The following PRPF18 variants were observed in gnomAD, a reference collection of about 807,000 sequenced individuals.
The protein encoded by PRPF18 is pre-mRNA processing factor 18.
In PRPF18, 38 loss-of-function variants were observed where a neutral mutation model predicts 46.5. That is an observed-to-expected ratio of 0.82 (90% CI 0.63 to 1.07). The LOEUF (loss-of-function observed/expected upper bound fraction) is 1.07, where lower values mean the gene tolerates loss of function less well. PRPF18 is among the 50% of genes least tolerant of loss of function. The pLI, the probability that PRPF18 is intolerant of heterozygous loss-of-function variation, is 0.00. For missense variants in PRPF18, 263 were observed against 410.0 expected (o/e 0.64, Z 3.10); for synonymous variants, 152 against 146.7 (o/e 1.04, Z -0.26).
chr10:13,619,303 TTTAG>T (rs758659867), intron 9 of PRPF18, among the ~76,000 whole-genome samples: 5 of 152,268 alleles, frequency 3.3e-5, no homozygotes, highest in African/African-American at 7.2e-5. Context: ...TGGACAGATT[TTTAG>T]TTAGTGTAAG....
At chr10:13,650,556 C>A in the PRPF18 span, among the ~76,000 whole-genome samples, 2 of 152,180 alleles carry the variant, frequency 1.3e-5, no homozygotes, top group African/African-American at 4.8e-5. Context: ...ATCGCCCTCC[C>A]ATACCGGGGG....
Position 13,599,245 on chromosome 10 carries a change from A to G in PRPF18, c.145-999A>G, listed in dbSNP as rs563936355. 4.1e-4 allele frequency among the ~76,000 whole-genome samples: 63 copies of G among 152,306 alleles called. 1 individual carries two copies. Among genetic ancestry groups the G allele is most frequent in the African/African-American group, 1.4e-3 (60 of 41,580 alleles). On this transcript the variant is annotated intron_variant, in intron 2 of 9. Coordinates refer to ENST00000378572, the MANE Select transcript of PRPF18 (RefSeq NM_003675.4). ...GCTTGGTGCTGATTTGACCTGTGAA[A>G]ATAGAAAGGCTTAGTTTGTTACCTT...
chr10:13,641,521 G>A, the PRPF18 span: 1 of 151,068 alleles, frequency 6.6e-6, no homozygotes, highest in Non-Finnish European at 1.5e-5. Flanking sequence ...GGAACTTTAA[G>A]GAATAATTGT....
In PRPF18 at chr10:13,599,841, A is replaced by G. The variant is rs1421898051; in HGVS notation, c.145-403A>G. 2.1e-4 allele frequency among the ~76,000 whole-genome samples: 32 copies of G among 152,240 alleles called. 1 individual carries two copies. Among genetic ancestry groups the G allele is most frequent in the Admixed American group, 2.1e-3 (32 of 15,280 alleles). Reference sequence around the variant, plus strand: ...AAGAAATTCTTTTATCTTCATTTTGAAGCCGAGCAAGAATCAAATAACCCT... The same window carrying G: ...AAGAAATTCTTTTATCTTCATTTTGGAGCCGAGCAAGAATCAAATAACCCT... On this transcript the variant is annotated intron_variant, in intron 2 of 9. Transcript: ENST00000378572.
At chr10:13,621,276 T>C (rs1236514964) in intron 9 of PRPF18, among the ~76,000 whole-genome samples, 1 of 152,210 alleles carries the variant, frequency 6.6e-6, no homozygotes, top group East Asian at 1.9e-4. Flanking sequence ...CCAGCAACAC[T>C]GATAGGCACC....
At chr10:13,597,648 A>T (rs771071712) in intron 2 of PRPF18, 113 bp downstream of exon 2, 2 of 1,604,648 alleles carry the variant, frequency 1.2e-6, no homozygotes, top group Non-Finnish European at 8.5e-7. Context: ...ACGTTAGCCT[A>T]TAAATGAGAA....
intron 1 of PRPF18, among the ~76,000 whole-genome samples, chr10:13,593,008 C>A (rs2079986879): frequency 6.6e-6 from 1 of 152,126 alleles, no homozygotes; most frequent in African/African-American, 2.4e-5. Flanking sequence ...ACACTAAAAC[C>A]AAATGGAAGG....
the PRPF18 span, chr10:13,637,934 G>T: frequency 6.6e-6 from 1 of 152,208 alleles, no homozygotes; most frequent in Non-Finnish European, 1.5e-5. Context: ...TGCCATAAAT[G>T]TGTGGTGTAG....
chr10:13,587,248 G>A, intron 1 of PRPF18, 96 bp downstream of exon 1: 5 of 1,337,502 alleles, frequency 3.7e-6, no homozygotes, highest in Non-Finnish European at 4.3e-6. Flanking sequence ...AGGATTCGGG[G>A]CGGGGACGGG....
At chr10:13,655,651 C>T in the PRPF18 span, 1 of 152,112 alleles carries the variant, frequency 6.6e-6, no homozygotes, top group Admixed American at 6.5e-5. Flanking sequence ...CACCAAGAAT[C>T]TCCTACAGTT....
At chr10:13,605,791 A>G in intron 4 of PRPF18, 47 bp downstream of exon 4, 1 of 1,538,560 alleles carries the variant, frequency 6.5e-7, no homozygotes, top group Non-Finnish European at 8.8e-7. Context: ...TACTGCATTC[A>G]CTAGAATAGA....
intron 2 of PRPF18, among the ~76,000 whole-genome samples, chr10:13,598,210 A>G (rs1316033617): frequency 6.6e-6 from 1 of 152,108 alleles, no homozygotes; most frequent in African/African-American, 2.4e-5. Flanking sequence ...TTGATAATGT[A>G]TTGTGGTTTT....
In PRPF18 at chr10:13,630,285, G is replaced by T; in HGVS notation, c.974G>T (p.Cys325Phe). 1.2e-6 allele frequency: 2 copies of T among 1,612,156 alleles called. No individual in the cohort carries two copies. The highest frequency in any genetic ancestry group is 1.7e-6 in the Non-Finnish European group (2 of 1,178,322). Residue 325 changes from cysteine (C) to phenylalanine (F), a missense_variant, in exon 10 of 10, where the codon TGC becomes TTC. Cys to Phe is a radical substitution (Grantham distance 205). Transcript: ENST00000378572. ...IQGLKRLMTI[C>F]QKHFPTDPSK... ...GGATTGAAGAGGTTAATGACCATTT[G>T]CCAGAAACACTTTCCTACAGACCCA...
chr10:13,589,789 G>A (rs879825773), intron 1 of PRPF18, among the ~76,000 whole-genome samples: 2 of 152,158 alleles, frequency 1.3e-5, no homozygotes, highest in Non-Finnish European at 2.9e-5. Context: ...CTTGGTAAAT[G>A]GCAAATTTCA....
chr10:13,599,885 G>A (rs2080081992), intron 2 of PRPF18, among the ~76,000 whole-genome samples: 1 of 152,226 alleles, frequency 6.6e-6, no homozygotes, highest in Admixed American at 6.5e-5. Flanking sequence ...ATTTAAAGAG[G>A]AAGAGCAAGT....
the PRPF18 span, chr10:13,654,286 G>A: frequency 1.4e-6 from 1 of 720,084 alleles, no homozygotes. Context: ...GGCTTCTCTT[G>A]AAAGGAAGAC....
intron 1 of PRPF18, chr10:13,591,659 A>AGCT (rs2079963239): frequency 4.8e-6 from 3 of 620,986 alleles, no homozygotes; most frequent in South Asian, 3.5e-5. Context: ...GGGCTTCTGC[A>AGCT]GCTGCTGCTG....
At chr10:13,604,951 AT>A (rs1564454462) in intron 3 of PRPF18, among the ~76,000 whole-genome samples, 1 of 152,334 alleles carries the variant, frequency 6.6e-6, no homozygotes, top group South Asian at 2.1e-4. Context: ...ACAAAAAAGA[AT>A]TTTTTAAAAA....
the PRPF18 span, chr10:13,647,316 T>G: frequency 2.0e-5 from 3 of 152,174 alleles, no homozygotes; most frequent in Non-Finnish European, 2.9e-5. Flanking sequence ...CGTGGCTGCA[T>G]CCGGGGAGCA....
Sources: allele counts gnomAD v4.1 joint callset (sites outside exome capture counted in the v4.1 genomes callset), GRCh38; gene constraint gnomAD v4.1.1; transcripts MANE v1.5; gene names NCBI Gene and HGNC (gene_info 2026-07-23, HGNC 2026-07-21).